DYNC1I2: variants seen among roughly 807,000 people sequenced by gnomAD.
The protein encoded by DYNC1I2 is dynein cytoplasmic 1 intermediate chain 2.
Under a neutral mutation model 88.6 loss-of-function variants are expected in DYNC1I2, and 53 were observed. The observed-to-expected ratio is 0.60, with a 90% confidence interval of 0.48 to 0.75. DYNC1I2 has a LOEUF of 0.75. DYNC1I2 is among the 30% of genes least tolerant of loss of function. DYNC1I2 has a pLI of 0.00. For missense variants in DYNC1I2, 458 were observed against 766.6 expected, an observed-to-expected ratio of 0.60 and a Z score of 4.75; for synonymous variants, 198 against 254.6, an observed-to-expected ratio of 0.78 and a Z score of 2.12.
At chr2:171,732,804 A>G (rs1688713453) in intron 15 of DYNC1I2, among the ~76,000 whole-genome samples, 2 of 152,200 alleles carry the variant, frequency 1.3e-5, no homozygotes, top group South Asian at 4.1e-4. Context: ...GTCACAGGAG[A>G]CACATTTTTG....
chr2:171,701,173 G>A (rs1490230793), intron 3 of DYNC1I2, among the ~76,000 whole-genome samples: 3 of 152,070 alleles, frequency 2.0e-5, no homozygotes, highest in Non-Finnish European at 2.9e-5. Flanking sequence ...CTTTAAAAGA[G>A]ATCATTCCCC....
At chr2:171,699,301 C>T (rs972214623) in intron 3 of DYNC1I2, among the ~76,000 whole-genome samples, 58 of 151,332 alleles carry the variant, frequency 3.8e-4, no homozygotes, top group African/African-American at 1.4e-3. Flanking sequence ...GGTGAGACTC[C>T]GTCTCAAAAA....
At chr2:171,732,766 T>A (rs1052083100) in intron 15 of DYNC1I2, among the ~76,000 whole-genome samples, 33 of 152,214 alleles carry the variant, frequency 2.2e-4, no homozygotes, top group African/African-American at 7.5e-4. Flanking sequence ...TTTTTAGATG[T>A]GCTTTCATCT....
intron 7 of DYNC1I2, among the ~76,000 whole-genome samples, chr2:171,724,784 CA>C (rs1688126127): frequency 6.6e-6 from 1 of 152,094 alleles, no homozygotes; most frequent in Admixed American, 6.6e-5. Flanking sequence ...CATAAAAACC[CA>C]TCTCAGTGTG....
chr2:171,723,317 G>A (rs1688020022), intron 7 of DYNC1I2, among the ~76,000 whole-genome samples: 1 of 152,132 alleles, frequency 6.6e-6, no homozygotes, highest in Admixed American at 6.5e-5. Flanking sequence ...TCCTATCTTT[G>A]ATTTTAGGAT....
At position 171,739,258 on chromosome 2, in the gene DYNC1I2, A is replaced by G. The variant is rs1689232256; in HGVS notation, c.1537-4791A>G. Among the ~76,000 whole-genome samples, 4 of 152,238 alleles carry G rather than the reference A, an allele frequency of 2.6e-5. No individual in the cohort carries two copies. In the South Asian group the frequency reaches 8.3e-4, roughly 32 times the overall value. Reference sequence around the variant, plus strand: ...GTTTTATTAAAATTTTGGTTTTTAAATTAAAAACAAACATTTTGGCTATTA... The same window carrying G: ...GTTTTATTAAAATTTTGGTTTTTAAGTTAAAAACAAACATTTTGGCTATTA... On this transcript the variant is annotated intron_variant, in intron 15 of 17. Coordinates refer to ENST00000397119, the MANE Select transcript of DYNC1I2 (RefSeq NM_001378.3).
intron 1 of DYNC1I2, chr2:171,688,558 T>G (rs191590912): frequency 6.6e-6 from 1 of 152,346 alleles, no homozygotes; most frequent in Admixed American, 6.5e-5. Context: ...TGGAGCTGTT[T>G]AGAGGTGTAG....
intron 5 of DYNC1I2, among the ~76,000 whole-genome samples, chr2:171,711,535 C>T (rs1358700456): frequency 2.6e-5 from 4 of 152,154 alleles, no homozygotes; most frequent in Non-Finnish European, 4.4e-5. Flanking sequence ...AATGACAGAA[C>T]ATTCCTTGGA....
chr2:171,735,048 GA>G (rs1273356613), intron 15 of DYNC1I2, among the ~76,000 whole-genome samples: 1 of 152,216 alleles, frequency 6.6e-6, no homozygotes, highest in East Asian at 1.9e-4. Context: ...TTGACTCCAG[GA>G]ATTGAGTCCT....
intron 3 of DYNC1I2, among the ~76,000 whole-genome samples, chr2:171,700,587 A>G (rs1013563618): frequency 6.6e-6 from 1 of 152,194 alleles, no homozygotes; most frequent in African/African-American, 2.4e-5. Flanking sequence ...TGGCTTGTTT[A>G]ATCGTAACTA....
At chr2:171,747,636 T>C (rs949146580) in intron 17 of DYNC1I2, 140 bp from the exon 18 acceptor site, 14 of 587,430 alleles carry the variant, frequency 2.4e-5, no homozygotes, top group African/African-American at 2.3e-4. Flanking sequence ...ATCATTGTTA[T>C]AGTCCCCGTA....
Position 171,693,377 on chromosome 2 carries a change from C to T in DYNC1I2, c.226+483C>T, listed in dbSNP as rs568499540. On this transcript the variant is annotated intron_variant, in intron 3 of 17. Transcript: ENST00000397119. Reference sequence around the variant, plus strand: ...GCTAATAAGGGAGATAATTTTGTGGCTTATTTTCGAAGTGATTTGACTTAA... The same window carrying T: ...GCTAATAAGGGAGATAATTTTGTGGTTTATTTTCGAAGTGATTTGACTTAA... 5.3e-5 allele frequency among the ~76,000 whole-genome samples: 8 copies of T among 152,258 alleles called. No individual in the cohort carries two copies. In the South Asian group the frequency reaches 1.7e-3, roughly 32 times the overall value.
chr2:171,735,886 T>A (rs1180779395), intron 15 of DYNC1I2, among the ~76,000 whole-genome samples: 2 of 152,254 alleles, frequency 1.3e-5, no homozygotes, highest in Admixed American at 1.3e-4. Context: ...TTTTGAGATG[T>A]GTGCACAAAT....
chr2:171,743,998 G>C, intron 15 of DYNC1I2, 51 bp from the exon 16 acceptor site: 4 of 1,464,470 alleles, frequency 2.7e-6, no homozygotes, highest in Non-Finnish European at 3.6e-6. Context: ...GTAGTTTAAT[G>C]ATTTGTATGT....
At chr2:171,694,921 C>T (rs191775289) in intron 3 of DYNC1I2, among the ~76,000 whole-genome samples, 2 of 152,274 alleles carry the variant, frequency 1.3e-5, no homozygotes, top group African/African-American at 4.8e-5. Context: ...TACATCTCAA[C>T]AAGAGATTTG....
At chr2:171,741,719 G>A (rs1449910583) in intron 15 of DYNC1I2, among the ~76,000 whole-genome samples, 7 of 151,958 alleles carry the variant, frequency 4.6e-5, no homozygotes, top group Admixed American at 6.6e-5. Context: ...TGTGCTTTTG[G>A]CTTCTCAACT....
At chr2:171,715,523 T>G in intron 7 of DYNC1I2, 80 bp downstream of exon 7, 2 of 1,017,164 alleles carry the variant, frequency 2.0e-6, no homozygotes, top group Non-Finnish European at 2.8e-6. Flanking sequence ...CTTTGATTTT[T>G]GTTTTGTTTC....
At chr2:171,737,638 CAA>C (rs1440435155) in intron 15 of DYNC1I2, among the ~76,000 whole-genome samples, 2 of 152,150 alleles carry the variant, frequency 1.3e-5, no homozygotes, top group African/African-American at 2.4e-5. Context: ...AGGCTGGTCT[CAA>C]ACTCCTGGCC....
chr2:171,691,283 G>A (rs1685386853), intron 2 of DYNC1I2, among the ~76,000 whole-genome samples: 4 of 152,120 alleles, frequency 2.6e-5, no homozygotes, highest in Admixed American at 2.6e-4. Flanking sequence ...CTGAGCTGGA[G>A]ACATTTTACT....
Sources: allele counts gnomAD v4.1 joint callset (sites outside exome capture counted in the v4.1 genomes callset), GRCh38; gene constraint gnomAD v4.1.1; transcripts MANE v1.5; gene names NCBI Gene and HGNC (gene_info 2026-07-23, HGNC 2026-07-21).